Variants in SIAH3 observed in about 807,000 individuals in gnomAD.
The protein encoded by SIAH3 is seven in absentia homolog 3.
In SIAH3, 9 loss-of-function variants were observed where a neutral mutation model predicts 12.6. The observed-to-expected ratio is 0.72, with a 90% CI of 0.43 to 1.25. The LOEUF is 1.25. Among genes scored for constraint, SIAH3 ranks in the 50% most tolerant of loss-of-function variants. The pLI, the probability that SIAH3 is intolerant of heterozygous loss-of-function variation, is 0.00. For missense variants in SIAH3, 390 were observed against 365.4 expected (o/e 1.07, Z -0.55); for synonymous variants, 154 against 151.1 (o/e 1.02, Z -0.14).
rs1950502302 is a variant in SIAH3 at position 45,781,166 on chromosome 13, CTT to C, written c.*2215_*2216del. ...GTCATTCCCAGTGTGGCTCAGGTAA[CTT>C]GGCACAACCAGAAGGCAAAGGTGAT... On this transcript the variant is annotated 3_prime_UTR_variant, in exon 2 of 2. Transcript: ENST00000400405. 6.6e-6 allele frequency: 1 copy of C among 152,664 alleles called. No homozygotes were observed. The highest frequency in any genetic ancestry group is 2.1e-4 in the South Asian group (1 of 4,832). 9.5% of individuals were successfully genotyped at this position (152,664 alleles called of 1,614,324 possible). A position where few individuals can be genotyped will look rare whatever the true frequency, so the allele number is the denominator to read the frequency against.
chr13:45,814,108 G>A (rs374717726), intron 1 of SIAH3, among the ~76,000 whole-genome samples: 6 of 151,656 alleles, frequency 4.0e-5, no homozygotes, highest in South Asian at 2.1e-4. Context: ...GCGTGGTGGC[G>A]GGCACCTGTA....
intron 1 of SIAH3, among the ~76,000 whole-genome samples, chr13:45,796,784 G>C (rs191346640): frequency 2.4e-4 from 36 of 152,322 alleles, no homozygotes; most frequent in African/African-American, 8.2e-4. Flanking sequence ...CTGCAATGTG[G>C]CTCTCCTCAC....
At position 45,825,948 on chromosome 13, in the gene SIAH3, G is replaced by C. The variant is rs543170779; in HGVS notation, c.135+25547C>G. Among the ~76,000 whole-genome samples, 8 of 152,098 alleles carry C rather than the reference G, an allele frequency of 5.3e-5. No homozygotes were observed. In the South Asian group the frequency reaches 1.7e-3, roughly 32 times the overall value. On this transcript the variant is annotated intron_variant, in intron 1 of 1. Coordinates refer to ENST00000400405, the MANE Select transcript of SIAH3 (RefSeq NM_198849.3). ...AGTCTCTCAGCATTCAAAGATCTCT[G>C]CCTTCCTCCCCCTGGCCCTCAACAC...
At chr13:45,816,080 C>T (rs1638865830) in intron 1 of SIAH3, among the ~76,000 whole-genome samples, 1 of 152,236 alleles carries the variant, frequency 6.6e-6, no homozygotes, top group African/African-American at 2.4e-5. Flanking sequence ...TGCTCAGGCG[C>T]ACACAGGCAG....
At chr13:45,817,432 T>C (rs949875267) in intron 1 of SIAH3, among the ~76,000 whole-genome samples, 1 of 152,368 alleles carries the variant, frequency 6.6e-6, no homozygotes, top group East Asian at 1.9e-4. Flanking sequence ...TTTCTCAGAA[T>C]GTATTTCTGT....
chr13:45,818,693 T>G (rs1673993700), intron 1 of SIAH3, among the ~76,000 whole-genome samples: 1 of 152,260 alleles, frequency 6.6e-6, no homozygotes, highest in African/African-American at 2.4e-5. Context: ...TGTGTGCCTT[T>G]GTCAGATCTC....
rs531378765 is a variant in SIAH3, at chr13:45,794,310, C to T, written c.136-10253G>A. On this transcript the variant is annotated intron_variant, in intron 1 of 1. Transcript: ENST00000400405. ...CACACATGGATGTAGCCTATAGGTC[C>T]TTCCCAGGATGATTATCAACTCCAT... Among the ~76,000 whole-genome samples the T allele has an allele frequency of 1.2e-4, 18 of 152,276 alleles. No homozygotes were observed. In the South Asian group the frequency reaches 2.7e-3, roughly 23 times the overall value.
chr13:45,814,865 G>C (rs1201033297), intron 1 of SIAH3, among the ~76,000 whole-genome samples: 2 of 152,082 alleles, frequency 1.3e-5, no homozygotes, highest in Non-Finnish European at 2.9e-5. Context: ...TGGGATTATA[G>C]GTGTGTGCCA....
intron 1 of SIAH3, among the ~76,000 whole-genome samples, chr13:45,842,621 TA>T (rs1411176698): frequency 1.3e-5 from 2 of 152,194 alleles, no homozygotes; most frequent in African/African-American, 4.8e-5. Flanking sequence ...CTGCTGGGAT[TA>T]TAGGCGTGAA....
rs1040501745 is a variant in SIAH3 at position 45,790,674 on chromosome 13, C to T, written c.136-6617G>A. Among the ~76,000 whole-genome samples, 4 of 152,172 alleles carry T rather than the reference C, an allele frequency of 2.6e-5. No individual in the cohort carries two copies. The South Asian group carries it at 6.2e-4, about 24-fold the overall frequency. On this transcript the variant is annotated intron_variant, in intron 1 of 1. Coordinates refer to ENST00000400405, the MANE Select transcript of SIAH3 (RefSeq NM_198849.3). ...CTTGCCATATATTCATAGCACAGAT[C>T]GATGCATTAGTAACAGCTTCCAATA...
chr13:45,801,374 G>A (rs892597632), intron 1 of SIAH3, among the ~76,000 whole-genome samples: 2 of 152,204 alleles, frequency 1.3e-5, no homozygotes, highest in African/African-American at 4.8e-5. Context: ...GGGAGGAGCT[G>A]TGCTTTCCAC....
At chr13:45,842,008 A>T (rs1009197011) in intron 1 of SIAH3, among the ~76,000 whole-genome samples, 1 of 152,242 alleles carries the variant, frequency 6.6e-6, no homozygotes, top group Non-Finnish European at 1.5e-5. Context: ...GAGCCTCATC[A>T]GTGGGAACCT....
intron 1 of SIAH3, among the ~76,000 whole-genome samples, chr13:45,817,378 G>A (rs1184541182): frequency 2.0e-5 from 3 of 152,234 alleles, no homozygotes; most frequent in Non-Finnish European, 4.4e-5. Flanking sequence ...GTCTGTGTGA[G>A]TGCAATCTGT....
chr13:45,783,983 G>A lies in SIAH3; in HGVS notation c.210C>T (p.His70=). The change falls in exon 2 of 2, where the codon CAC becomes CAT. Residue 70 remains histidine (H), a synonymous_variant. Coordinates refer to ENST00000400405, the MANE Select transcript of SIAH3 (RefSeq NM_198849.3). ...QGSFHPHHLS[H]HHCHHRHHHH... ...GGTGGTGGCGGTGGTGGCAGTGGTG[G>A]TGGGAGAGATGGTGAGGGTGGAAGC... 2 of 1,606,692 alleles carry A rather than the reference G, an allele frequency of 1.2e-6. No homozygotes were observed. Among genetic ancestry groups the A allele is most frequent in the Non-Finnish European group, 8.5e-7 (1 of 1,176,576 alleles).
At chr13:45,851,192 C>G (rs1057109030) in intron 1 of SIAH3, among the ~76,000 whole-genome samples, 1 of 152,084 alleles carries the variant, frequency 6.6e-6, no homozygotes, top group Non-Finnish European at 1.5e-5. Flanking sequence ...CCCCCCTGTT[C>G]CCTCCACCAC....
At chr13:45,805,288 A>C (rs1182379659) in intron 1 of SIAH3, among the ~76,000 whole-genome samples, 2 of 152,196 alleles carry the variant, frequency 1.3e-5, no homozygotes, top group Non-Finnish European at 2.9e-5. Context: ...TGAAGCAAAA[A>C]GAAGAAAGTT....
intron 1 of SIAH3, among the ~76,000 whole-genome samples, chr13:45,838,429 C>G (rs1220179346): frequency 6.6e-6 from 1 of 152,178 alleles, no homozygotes; most frequent in Non-Finnish European, 1.5e-5. Flanking sequence ...AGCACTTTGG[C>G]TTCAATGAGG....
intron 1 of SIAH3, among the ~76,000 whole-genome samples, chr13:45,830,108 T>C (rs1315890467): frequency 1.3e-5 from 2 of 152,206 alleles, no homozygotes; most frequent in Non-Finnish European, 2.9e-5. Context: ...AAAGCCAGGT[T>C]TGAATTAGAG....
chr13:45,819,796 C>T (rs1950648920), intron 1 of SIAH3, among the ~76,000 whole-genome samples: 1 of 152,322 alleles, frequency 6.6e-6, no homozygotes, highest in Non-Finnish European at 1.5e-5. Flanking sequence ...CCCAAACCCA[C>T]TTCCAGGGCC....
Sources: allele counts gnomAD v4.1 joint callset (sites outside exome capture counted in the v4.1 genomes callset), GRCh38; gene constraint gnomAD v4.1.1; transcripts MANE v1.5; gene names NCBI Gene and HGNC (gene_info 2026-07-23, HGNC 2026-07-21).